The following PDE8B variants were observed in gnomAD, a reference collection of about 807,000 sequenced individuals.
The protein encoded by PDE8B is phosphodiesterase 8B.
In PDE8B, 26 loss-of-function variants were observed where a neutral mutation model predicts 101.3. The ratio of observed to expected loss-of-function variants is 0.26; its 90% CI spans 0.19 to 0.36. The LOEUF is 0.36. PDE8B is among the 10% of genes least tolerant of loss of function. The pLI is 1.00. For missense variants in PDE8B, 810 were observed against 1,163.1 expected (o/e 0.70, Z 4.42); for synonymous variants, 424 against 429.3 (o/e 0.99, Z 0.15).
the PDE8B span, among the ~76,000 whole-genome samples, chr5:77,138,759 T>G: frequency 2.6e-5 from 4 of 152,210 alleles, no homozygotes; most frequent in Non-Finnish European, 4.4e-5. Flanking sequence ...TTTTCTACTT[T>G]GCCTATCCAA....
the PDE8B span, among the ~76,000 whole-genome samples, chr5:77,108,547 G>A: frequency 2.9e-3 from 440 of 152,254 alleles, 5 homozygotes; most frequent in Middle Eastern, 0.024. Flanking sequence ...GCCGGGCATG[G>A]TGGCGCACGC....
chr5:77,304,344 T>C (rs1580910331), intron 1 of PDE8B, among the ~76,000 whole-genome samples: 1 of 152,358 alleles, frequency 6.6e-6, no homozygotes, highest in African/African-American at 2.4e-5. Context: ...GTAAATTTCT[T>C]TTTCAAATCA....
At chr5:77,202,426 A>C in the PDE8B span, among the ~76,000 whole-genome samples, 1 of 152,200 alleles carries the variant, frequency 6.6e-6, no homozygotes, top group Admixed American at 6.5e-5. Context: ...ATGAAGATGA[A>C]AAGAATGAAG....
rs968975535 is a variant in PDE8B at position 77,237,979 on chromosome 5, C to T, written c.339+26715C>T. Among the ~76,000 whole-genome samples, 3 of 152,064 alleles carry T rather than the reference C, an allele frequency of 2.0e-5. No homozygotes were observed. The East Asian group carries it at 5.8e-4, about 29-fold the overall frequency. On this transcript the variant is annotated intron_variant, in intron 1 of 21. Transcript: ENST00000264917. ...CTTTAGTCATTTGAATTATGGTCCC[C>T]CTGTAAATAGTGTACCATTTTCTTT...
chr5:77,099,610 CTT>C, the PDE8B span, among the ~76,000 whole-genome samples: 3 of 146,990 alleles, frequency 2.0e-5, no homozygotes, highest in African/African-American at 2.5e-5. Flanking sequence ...CTTTTCTTTT[CTT>C]TTTTTTTTTT....
intron 17 of PDE8B, among the ~76,000 whole-genome samples, 193 bp from the exon 18 acceptor site, chr5:77,418,036 G>A (rs906471874): frequency 2.6e-5 from 4 of 152,172 alleles, no homozygotes; most frequent in Non-Finnish European, 5.9e-5. Flanking sequence ...TTGCCCTCCA[G>A]ATAACAGACA....
intron 10 of PDE8B, among the ~76,000 whole-genome samples, chr5:77,354,682 A>G (rs1309943876): frequency 6.6e-6 from 1 of 152,104 alleles, no homozygotes. Flanking sequence ...ATTCATTCTC[A>G]TGCCAGAAAT....
intron 10 of PDE8B, among the ~76,000 whole-genome samples, 160 bp from the exon 11 acceptor site, chr5:77,400,088 A>G (rs1280967910): frequency 6.6e-6 from 1 of 152,216 alleles, no homozygotes; most frequent in African/African-American, 2.4e-5. Context: ...TTGGATTAGT[A>G]CCACTTGGTG....
At chr5:77,134,899 A>T in the PDE8B span, among the ~76,000 whole-genome samples, 8 of 152,186 alleles carry the variant, frequency 5.3e-5, no homozygotes, top group Non-Finnish European at 1.2e-4. Flanking sequence ...GCCATGGGGA[A>T]CTGGATCTAT....
intron 1 of PDE8B, among the ~76,000 whole-genome samples, chr5:77,229,661 T>A (rs897908099): frequency 1.3e-5 from 2 of 152,316 alleles, no homozygotes; most frequent in African/African-American, 4.8e-5. Context: ...ATTTGCCTAT[T>A]GTGGACATTT....
chr5:77,306,517 T>C (rs1368330442), intron 1 of PDE8B, among the ~76,000 whole-genome samples: 1 of 152,184 alleles, frequency 6.6e-6, no homozygotes, highest in Non-Finnish European at 1.5e-5. Context: ...GAAGTTGGAC[T>C]TGAACCATTG....
chr5:77,225,366 T>G (rs1280863508), intron 1 of PDE8B, among the ~76,000 whole-genome samples: 2 of 152,248 alleles, frequency 1.3e-5, no homozygotes, highest in Non-Finnish European at 2.9e-5. Context: ...TTGCAGTTAT[T>G]GTCCTTACTG....
intron 1 of PDE8B, among the ~76,000 whole-genome samples, chr5:77,245,389 G>A (rs1415603785): frequency 6.6e-6 from 1 of 152,210 alleles, no homozygotes; most frequent in Non-Finnish European, 1.5e-5. Flanking sequence ...TAACTTTTCT[G>A]TGACTTTATA....
At chr5:77,377,123 G>A (rs949537017) in intron 10 of PDE8B, among the ~76,000 whole-genome samples, 3 of 152,222 alleles carry the variant, frequency 2.0e-5, no homozygotes, top group African/African-American at 7.2e-5. Flanking sequence ...CAAGTGTGCT[G>A]CTTGTGTTAG....
At chr5:77,335,564 T>TGTGTGTGTGTGA in intron 5 of PDE8B, among the ~76,000 whole-genome samples, 1 of 99,970 alleles carries the variant, frequency 1.0e-5, no homozygotes, top group East Asian at 3.7e-4. Context: ...TGTGTGTGTG[T>TGTGTGTGTGTGA]GAGAGAGAGA....
chr5:77,186,685 T>C, the PDE8B span, among the ~76,000 whole-genome samples: 1 of 152,192 alleles, frequency 6.6e-6, no homozygotes, highest in African/African-American at 2.4e-5. Context: ...AGTTGCCCAG[T>C]GGCCTTGGGC....
intron 1 of PDE8B, among the ~76,000 whole-genome samples, chr5:77,259,067 CACCCCCG>C (rs1470172397): frequency 3.8e-4 from 32 of 83,286 alleles, no homozygotes; most frequent in Non-Finnish European, 5.5e-4. Context: ...CACACACACA[CACCCCCG>C]CCCCCCCCCC....
At chr5:77,123,220 T>C in the PDE8B span, among the ~76,000 whole-genome samples, 1 of 151,790 alleles carries the variant, frequency 6.6e-6, no homozygotes, top group Non-Finnish European at 1.5e-5. Flanking sequence ...AGTCCCGAGG[T>C]GGTGTAGGGC....
At chr5:77,418,148 C>A in intron 17 of PDE8B, 81 bp from the exon 18 acceptor site, 1 of 940,176 alleles carries the variant, frequency 1.1e-6, no homozygotes, top group Non-Finnish European at 1.7e-6. Flanking sequence ...TCCCCTGACC[C>A]GACCCTCCGC....
Sources: gnomAD v4.1 joint callset for allele counts (sites outside exome capture counted in the v4.1 genomes callset) on GRCh38, gnomAD v4.1.1 for gene constraint, MANE v1.5 for transcripts, NCBI Gene and HGNC (gene_info 2026-07-23, HGNC 2026-07-21) for gene names.